QTMAN: variants seen among roughly 807,000 people sequenced by gnomAD.
QTMAN encodes tRNA-queuosine alpha-mannosyltransferase.
chr2:144,194,138 T>G, the QTMAN span, among the ~76,000 whole-genome samples: 1 of 152,116 alleles, frequency 6.6e-6, no homozygotes, highest in African/African-American at 2.4e-5. Flanking sequence ...AGCAAATCAG[T>G]CACTTAGGGG....
the QTMAN span, among the ~76,000 whole-genome samples, chr2:144,084,114 C>T: frequency 6.6e-6 from 1 of 152,126 alleles, no homozygotes; most frequent in Non-Finnish European, 1.5e-5. Context: ...GTCAAAGGTC[C>T]AAACAACACT....
the QTMAN span, among the ~76,000 whole-genome samples, chr2:143,987,984 C>T: frequency 2.0e-5 from 3 of 152,118 alleles, no homozygotes; most frequent in Non-Finnish European, 4.4e-5. Context: ...CTGGGAAAAA[C>T]AGGGTGGCGG....
the QTMAN span, among the ~76,000 whole-genome samples, chr2:144,142,793 G>A: frequency 4.0e-5 from 6 of 151,864 alleles, no homozygotes; most frequent in Non-Finnish European, 5.9e-5. Context: ...ATTATAAAGC[G>A]CCGCAACACC....
the QTMAN span, among the ~76,000 whole-genome samples, chr2:144,108,160 C>G: frequency 6.6e-6 from 1 of 152,260 alleles, no homozygotes; most frequent in Middle Eastern, 3.4e-3. Flanking sequence ...ACTGAATGGG[C>G]AAAAACTGGA....
chr2:144,244,666 T>G, the QTMAN span, among the ~76,000 whole-genome samples: 1 of 152,254 alleles, frequency 6.6e-6, no homozygotes, highest in Non-Finnish European at 1.5e-5. Flanking sequence ...ACAAGAATTT[T>G]TTTTAAACGC....
the QTMAN span, chr2:143,957,402 A>G: frequency 1.0e-6 from 1 of 1,002,596 alleles, no homozygotes; most frequent in South Asian, 2.8e-5. Flanking sequence ...ATGAGATGTC[A>G]GCAGTGTCTC....
chr2:144,029,005 G>A, the QTMAN span, among the ~76,000 whole-genome samples: 1 of 152,162 alleles, frequency 6.6e-6, no homozygotes, highest in Admixed American at 6.5e-5. Flanking sequence ...GAATCAAATT[G>A]CCTTGGACTA....
the QTMAN span, among the ~76,000 whole-genome samples, chr2:144,097,685 A>T: frequency 1.3e-5 from 2 of 152,124 alleles, no homozygotes; most frequent in South Asian, 4.2e-4. Context: ...GGTTTTAAAA[A>T]TACTCTCCCC....
chr2:144,079,319 T>C, the QTMAN span, among the ~76,000 whole-genome samples: 2 of 152,132 alleles, frequency 1.3e-5, no homozygotes, highest in Non-Finnish European at 2.9e-5. Flanking sequence ...CCTCTAATTA[T>C]CCTATTTATA....
chr2:143,987,891 A>T, the QTMAN span, among the ~76,000 whole-genome samples: 1 of 152,146 alleles, frequency 6.6e-6, no homozygotes, highest in Non-Finnish European at 1.5e-5. Context: ...CCGCAACCCC[A>T]AAAAACACAA....
At chr2:144,020,136 T>C in the QTMAN span, among the ~76,000 whole-genome samples, 1 of 150,550 alleles carries the variant, frequency 6.6e-6, no homozygotes, top group African/African-American at 2.4e-5. Flanking sequence ...GGGAAGAGCA[T>C]GGTCCCTTTA....
chr2:144,167,511 T>A, the QTMAN span, among the ~76,000 whole-genome samples: 1 of 152,116 alleles, frequency 6.6e-6, no homozygotes, highest in Non-Finnish European at 1.5e-5. Flanking sequence ...TGGGACCAGG[T>A]GGAGGTAATT....
At chr2:143,952,146 T>A in the QTMAN span, 15 of 852,226 alleles carry the variant, frequency 1.8e-5, no homozygotes, top group Admixed American at 1.3e-4. Flanking sequence ...GTCACTTTAC[T>A]AATTAAAAAT....
the QTMAN span, among the ~76,000 whole-genome samples, chr2:144,314,235 G>A: frequency 6.6e-6 from 1 of 152,134 alleles, no homozygotes; most frequent in Non-Finnish European, 1.5e-5. Flanking sequence ...ACTAATACAT[G>A]CAACAACATG....
the QTMAN span, among the ~76,000 whole-genome samples, chr2:144,245,619 AGAATT>A: frequency 6.6e-6 from 1 of 152,234 alleles, no homozygotes; most frequent in Admixed American, 6.5e-5. Context: ...TTAACCAAAT[AGAATT>A]AAGATGGTAT....
At chr2:144,074,455 C>G in the QTMAN span, among the ~76,000 whole-genome samples, 3 of 152,124 alleles carry the variant, frequency 2.0e-5, no homozygotes, top group African/African-American at 7.2e-5. Context: ...ATTTAAAAAT[C>G]ATTTTTCTAA....
the QTMAN span, among the ~76,000 whole-genome samples, chr2:143,994,502 T>C: frequency 0.012 from 1,817 of 152,256 alleles, 17 homozygotes; most frequent in Non-Finnish European, 0.019. Context: ...GTCCATCATA[T>C]GACAAATGAA....
the QTMAN span, among the ~76,000 whole-genome samples, chr2:144,182,889 T>C: frequency 1.2e-5 from 1 of 81,206 alleles, no homozygotes; most frequent in South Asian, 3.0e-4. Context: ...ATATATTTTA[T>C]ATATATATAT....
the QTMAN span, among the ~76,000 whole-genome samples, chr2:144,105,917 T>C: frequency 9.2e-5 from 14 of 152,266 alleles, no homozygotes; most frequent in East Asian, 2.1e-3. Context: ...TGGCAGAAAC[T>C]CTACAATCCA....
Sources: allele counts gnomAD v4.1 joint callset (sites outside exome capture counted in the v4.1 genomes callset), GRCh38; gene constraint gnomAD v4.1.1; transcripts MANE v1.5; gene names NCBI Gene and HGNC (gene_info 2026-07-23, HGNC 2026-07-21).